Variants in DYM observed in about 807,000 individuals in gnomAD.
DYM encodes the protein dymeclin.
DYM carries 78 observed loss-of-function variants against 93.1 expected under a neutral mutation model. That is an observed-to-expected ratio of 0.84 (90% CI 0.70 to 1.01). The LOEUF is 1.01. Among genes scored for constraint, DYM ranks in the 50% least tolerant of loss-of-function variants. The pLI is 0.00. For synonymous variants in DYM, 321 were observed against 319.7 expected (o/e 1.00, Z -0.04); for missense variants, 789 against 845.0 (o/e 0.93, Z 0.82).
In DYM at chr18:49,037,829, G is replaced by T. The variant is rs372693593; in HGVS notation, c.*6226C>A. Among the ~76,000 whole-genome samples, 22 of 152,106 alleles carry T rather than the reference G, an allele frequency of 1.4e-4. No homozygotes were observed. Among genetic ancestry groups the T allele is most frequent in the South Asian group, 2.1e-4 (1 of 4,830 alleles). ...CATTTGAAGTATTTTCAGGTTTGTT[G>T]AGACTTTTTTTCTGAGACAGGGTCT... On this transcript the variant is annotated 3_prime_UTR_variant, in exon 18 of 18. Transcript: ENST00000675505.
intron 8 of DYM, among the ~76,000 whole-genome samples, chr18:49,319,173 A>G (rs1001626483): frequency 1.3e-5 from 2 of 152,226 alleles, no homozygotes; most frequent in Non-Finnish European, 2.9e-5. Flanking sequence ...AACAGTTACT[A>G]TTGAAGACAA....
intron 1 of DYM, among the ~76,000 whole-genome samples, chr18:49,454,264 T>C (rs547964168): frequency 1.3e-5 from 2 of 152,308 alleles, no homozygotes; most frequent in African/African-American, 2.4e-5. Flanking sequence ...CTTAGGCAGA[T>C]AGCAAGGGCA....
At chr18:49,052,892 A>T (rs2075140756) in intron 17 of DYM, among the ~76,000 whole-genome samples, 1 of 152,220 alleles carries the variant, frequency 6.6e-6, no homozygotes, top group Non-Finnish European at 1.5e-5. Context: ...ACTGGCTGGC[A>T]CAGGGCAGGG....
chr18:49,254,325 T>TATATATATATACAC (rs1279388698), intron 13 of DYM, among the ~76,000 whole-genome samples: 8 of 138,656 alleles, frequency 5.8e-5, no homozygotes, highest in African/African-American at 2.2e-4. Context: ...TATATATATA[T>TATATATATATACAC]ACACACATAG....
chr18:49,310,679 CTT>C, intron 8 of DYM, among the ~76,000 whole-genome samples: 1 of 152,242 alleles, frequency 6.6e-6, no homozygotes, highest in African/African-American at 2.4e-5. Context: ...GGCCATTTCA[CTT>C]TGTTGCTAAA....
intron 13 of DYM, among the ~76,000 whole-genome samples, chr18:49,252,768 G>A (rs2094317463): frequency 6.6e-6 from 1 of 152,214 alleles, no homozygotes; most frequent in African/African-American, 2.4e-5. Flanking sequence ...GGACATGAGA[G>A]ACAATAAGGG....
intron 11 of DYM, 24 bp downstream of exon 11, chr18:49,272,154 C>A (rs2094720272): frequency 2.5e-6 from 4 of 1,608,602 alleles, no homozygotes; most frequent in Admixed American, 3.3e-5. Flanking sequence ...AACTCTAACT[C>A]TAATCCAAGT....
intron 6 of DYM, 110 bp downstream of exon 6, chr18:49,363,051 A>G: frequency 1.2e-6 from 1 of 818,568 alleles, no homozygotes; most frequent in Non-Finnish European, 2.1e-6. Flanking sequence ...AATCCTTAAA[A>G]GGCACACATA....
intron 15 of DYM, among the ~76,000 whole-genome samples, chr18:49,140,133 A>G (rs1363532406): frequency 6.6e-6 from 1 of 152,186 alleles, no homozygotes; most frequent in Non-Finnish European, 1.5e-5. Context: ...TAAGTAACAT[A>G]ATAGTAAAAA....
intron 1 of DYM, among the ~76,000 whole-genome samples, chr18:49,452,965 C>T (rs1252133405): frequency 3.1e-5 from 4 of 129,084 alleles, no homozygotes; most frequent in African/African-American, 1.2e-4. Context: ...ATGCACCAAT[C>T]GGCACTCTGT....
intron 6 of DYM, among the ~76,000 whole-genome samples, chr18:49,343,774 TC>T (rs2064346470): frequency 6.6e-6 from 1 of 152,074 alleles, no homozygotes; most frequent in Non-Finnish European, 1.5e-5. Flanking sequence ...TATCTGAAAC[TC>T]CCAGCTTCTA....
At chr18:49,087,488 A>G (rs2078649984) in intron 17 of DYM, among the ~76,000 whole-genome samples, 1 of 152,238 alleles carries the variant, frequency 6.6e-6, no homozygotes, top group African/African-American at 2.4e-5. Flanking sequence ...CATTATAATG[A>G]ATATCATGGG....
intron 17 of DYM, among the ~76,000 whole-genome samples, chr18:49,080,090 G>C (rs1389668053): frequency 7.1e-6 from 1 of 141,280 alleles, no homozygotes; most frequent in Non-Finnish European, 1.5e-5. Context: ...CTCCCGGACG[G>C]GGCGGCTGGC....
rs1555690209 is a variant in DYM at position 49,317,551 on chromosome 18, T to TTGTCTCTCTCTCTC, written c.763+14312_763+14313insGAGAGAGAGAGACA. On this transcript the variant is annotated intron_variant, in intron 8 of 17. Transcript: ENST00000675505. ...TGCCCTAGTCCTTAGCCATCTAGAT[T>TTGTCTCTCTCTCTC]TCTCTCTCTCTCTCTCTCTCTCTCT... 2.7e-3 allele frequency among the ~76,000 whole-genome samples: 79 copies of TTGTCTCTCTCTCTC among 29,354 alleles called. 17 individuals carry two copies. Among genetic ancestry groups the TTGTCTCTCTCTCTC allele is most frequent in the South Asian group, 0.013 (8 of 620 alleles). The allele number at this position is 29,354 out of a possible 152,430, so 19.3% of individuals were successfully genotyped here. A position where few individuals can be genotyped will look rare whatever the true frequency, so the allele number is the denominator to read the frequency against.
chr18:49,113,525 C>A (rs1394640318), intron 16 of DYM, among the ~76,000 whole-genome samples: 1 of 152,210 alleles, frequency 6.6e-6, no homozygotes, highest in African/African-American at 2.4e-5. Context: ...TTCTGAGATA[C>A]TGAGTGCTGC....
intron 13 of DYM, among the ~76,000 whole-genome samples, chr18:49,240,529 A>G (rs1433608512): frequency 6.6e-6 from 1 of 152,226 alleles, no homozygotes; most frequent in Non-Finnish European, 1.5e-5. Context: ...ATAGTTTTTA[A>G]AATCCATATT....
chr18:49,180,565 AT>A (rs1247680830), intron 14 of DYM, among the ~76,000 whole-genome samples: 4 of 152,160 alleles, frequency 2.6e-5, no homozygotes, highest in Non-Finnish European at 4.4e-5. Flanking sequence ...ACCTTGCACA[AT>A]TTAACATGAT....
intron 17 of DYM, among the ~76,000 whole-genome samples, chr18:49,070,813 C>T (rs1280239128): frequency 2.0e-5 from 3 of 152,050 alleles, no homozygotes; most frequent in Non-Finnish European, 2.9e-5. Context: ...GAATGTTAGC[C>T]GCTGGATGTT....
chr18:49,231,302 G>A (rs2093687313), intron 13 of DYM, among the ~76,000 whole-genome samples: 1 of 152,230 alleles, frequency 6.6e-6, no homozygotes, highest in Admixed American at 6.5e-5. Context: ...GAGGAGTAGA[G>A]TGGGTATCCC....
Sources: gnomAD v4.1 joint callset for allele counts (sites outside exome capture counted in the v4.1 genomes callset) on GRCh38, gnomAD v4.1.1 for gene constraint, MANE v1.5 for transcripts, NCBI Gene and HGNC (gene_info 2026-07-23, HGNC 2026-07-21) for gene names.